KIAA0825: variants seen among roughly 807,000 people sequenced by gnomAD.
KIAA0825 encodes the protein uncharacterized protein KIAA0825.
In KIAA0825, 119 loss-of-function variants were observed where a neutral mutation model predicts 147.6. The observed-to-expected ratio is 0.81, with a 90% CI of 0.69 to 0.94. The LOEUF (loss-of-function observed/expected upper bound fraction) is 0.94. KIAA0825 is among the 40% of genes least tolerant of loss of function. The pLI is 0.00. For missense variants in KIAA0825, 1,381 were observed against 1,472.7 expected (o/e 0.94, Z 1.02); for synonymous variants, 470 against 518.1 (o/e 0.91, Z 1.26).
intron 6 of KIAA0825, 31 bp downstream of exon 6, chr5:94,484,738 A>C (rs1182011942): frequency 7.3e-7 from 1 of 1,375,520 alleles, no homozygotes; most frequent in Non-Finnish European, 9.7e-7. Flanking sequence ...GAAATTATAG[A>C]TTTACAAATT....
At chr5:94,304,490 A>C (rs769700152) in intron 20 of KIAA0825, among the ~76,000 whole-genome samples, 1 of 151,996 alleles carries the variant, frequency 6.6e-6, no homozygotes, top group Non-Finnish European at 1.5e-5. Flanking sequence ...TTCTAATAAA[A>C]ATGTTCACAG....
At chr5:94,272,127 AAAAAAC>A (rs1394314375) in intron 20 of KIAA0825, among the ~76,000 whole-genome samples, 4 of 150,440 alleles carry the variant, frequency 2.7e-5, no homozygotes, top group African/African-American at 9.9e-5. Context: ...AAAAAAAAAA[AAAAAAC>A]TAAGACAATT....
intron 12 of KIAA0825, among the ~76,000 whole-genome samples, chr5:94,453,337 T>C (rs903264003): frequency 1.9e-4 from 17 of 91,230 alleles, no homozygotes; most frequent in Non-Finnish European, 3.4e-4. Flanking sequence ...CACGTGTGGC[T>C]GATTTTTTTT....
intron 1 of KIAA0825, chr5:94,594,337 G>A (rs953322482): frequency 3.5e-5 from 24 of 690,936 alleles, no homozygotes; most frequent in Non-Finnish European, 6.1e-5. Flanking sequence ...GGTATTGCTG[G>A]CATGAATGTA....
chr5:94,415,991 T>G (rs1333659595), intron 15 of KIAA0825: 4 of 152,152 alleles, frequency 2.6e-5, no homozygotes. Context: ...ACAACTAAAA[T>G]CAGCAGAGGG....
rs1750635326 is a variant in KIAA0825 at position 94,396,213 on chromosome 5, G to T, written c.3184C>A (p.Gln1062Lys). ...CMCLKSIMGD[Q>K]TSIHNQMIQK... is the part of the protein sequence containing the mutation. ...ATCATTTGATTATGGATACTTGTCT[G>T]GTCTCCCATGATGCTTTTCAAACAC... is the stretch of plus-strand genomic sequence containing the variant. The change falls in exon 17 of 21, where the codon CAG (glutamine) becomes AAG (lysine). Residue 1062 changes from glutamine to lysine, a missense_variant. Gln to Lys is a moderately conservative substitution (Grantham distance 53). Transcript: ENST00000682413. 6.4e-7 allele frequency: 1 copy of T among 1,551,400 alleles called. No homozygotes were observed.
chr5:94,485,351 A>G (rs1338098154), intron 5 of KIAA0825, among the ~76,000 whole-genome samples: 1 of 151,808 alleles, frequency 6.6e-6, no homozygotes, highest in Non-Finnish European at 1.5e-5. Flanking sequence ...CCAGGAAATG[A>G]CCTAGTCTAA....
chr5:94,592,816 C>T (rs946957483), intron 1 of KIAA0825: 14 of 461,758 alleles, frequency 3.0e-5, no homozygotes, highest in Middle Eastern at 3.2e-4. Flanking sequence ...AAATATGCTT[C>T]GGCTAAGAGC....
At chr5:94,506,243 C>G (rs968057541) in intron 5 of KIAA0825, among the ~76,000 whole-genome samples, 1 of 152,130 alleles carries the variant, frequency 6.6e-6, no homozygotes, top group Non-Finnish European at 1.5e-5. Context: ...CTGTGTTAAC[C>G]ACTACAATTT....
At chr5:94,261,393 G>A (rs1384033421) in intron 20 of KIAA0825, among the ~76,000 whole-genome samples, 2 of 152,082 alleles carry the variant, frequency 1.3e-5, no homozygotes, top group African/African-American at 2.4e-5. Context: ...TGGATACATA[G>A]GGATGCAGCT....
At chr5:94,247,700 G>A (rs1378538312) in intron 20 of KIAA0825, among the ~76,000 whole-genome samples, 2 of 152,118 alleles carry the variant, frequency 1.3e-5, no homozygotes, top group African/African-American at 4.8e-5. Context: ...TATTTCCAGT[G>A]CTAGTGTAAA....
At chr5:94,551,852 TAG>T (rs1228738802) in intron 2 of KIAA0825, among the ~76,000 whole-genome samples, 2 of 150,724 alleles carry the variant, frequency 1.3e-5, no homozygotes, top group Non-Finnish European at 3.0e-5. Flanking sequence ...CAAAAATAAA[TAG>T]AGAGAAATTA....
intron 20 of KIAA0825, among the ~76,000 whole-genome samples, chr5:94,263,020 T>C (rs1776573986): frequency 1.3e-5 from 2 of 152,126 alleles, no homozygotes; most frequent in Non-Finnish European, 2.9e-5. Context: ...GAGGTTCCCA[T>C]TGTCCTCTAT....
chr5:94,472,095 CATT>C (rs1327561973), intron 8 of KIAA0825, among the ~76,000 whole-genome samples: 1 of 152,092 alleles, frequency 6.6e-6, no homozygotes, highest in African/African-American at 2.4e-5. Context: ...TTAACGTTTG[CATT>C]ATTTTTTAAA....
At chr5:94,617,632 T>C (rs542462136) in intron 1 of KIAA0825, among the ~76,000 whole-genome samples, 5 of 152,306 alleles carry the variant, frequency 3.3e-5, no homozygotes, top group African/African-American at 1.2e-4. Flanking sequence ...GAGGTAATTA[T>C]CTAAATATAA....
chr5:94,310,351 T>C (rs1004435622), intron 20 of KIAA0825, among the ~76,000 whole-genome samples: 12 of 151,698 alleles, frequency 7.9e-5, no homozygotes, highest in African/African-American at 2.9e-4. Flanking sequence ...TGGCTCCTAT[T>C]TTGAATAGCT....
intron 20 of KIAA0825, among the ~76,000 whole-genome samples, chr5:94,333,197 G>A (rs1781461227): frequency 6.6e-6 from 1 of 152,144 alleles, no homozygotes; most frequent in Admixed American, 6.5e-5. Flanking sequence ...CCTGATGACA[G>A]TTTCTTTTGC....
intron 7 of KIAA0825, among the ~76,000 whole-genome samples, chr5:94,474,888 G>C (rs911310978): frequency 1.3e-5 from 2 of 152,172 alleles, no homozygotes; most frequent in Non-Finnish European, 2.9e-5. Context: ...AGGAGATGGA[G>C]ACCATCCTGG....
intron 15 of KIAA0825, 148 bp from the exon 16 acceptor site, chr5:94,403,941 C>G: frequency 1.6e-6 from 1 of 617,610 alleles, no homozygotes; most frequent in East Asian, 2.8e-5. Context: ...GATTGATAAC[C>G]ACCCCATAAA....
Sources: allele counts gnomAD v4.1 joint callset (sites outside exome capture counted in the v4.1 genomes callset), GRCh38; gene constraint gnomAD v4.1.1; transcripts MANE v1.5; gene names NCBI Gene and HGNC (gene_info 2026-07-23, HGNC 2026-07-21).